CNST: variants seen among roughly 807,000 people sequenced by gnomAD.
CNST encodes the protein consortin.
CNST carries 39 observed loss-of-function variants against 72.4 expected under a neutral mutation model. The observed-to-expected ratio is 0.54, with a 90% CI of 0.42 to 0.70. The LOEUF is 0.70. CNST is among the 30% of genes least tolerant of loss of function. The probability of loss-of-function intolerance (pLI) is 0.00; values close to 1 mark genes in which losing one functional copy is unlikely to be tolerated. For synonymous variants in CNST, 332 were observed against 320.1 expected, an observed-to-expected ratio of 1.04 and a Z score of -0.40; for missense variants, 871 against 868.5, an observed-to-expected ratio of 1.00 and a Z score of -0.04.
chr1:246,633,900 A>G (rs566441676), intron 4 of CNST, 24 bp from the exon 5 acceptor site: 67 of 1,491,878 alleles, frequency 4.5e-5, no homozygotes, highest in Admixed American at 1.7e-4. Flanking sequence ...GTGGATTTCT[A>G]TTTTCCTTAA....
chr1:246,641,763 A>C lies in CNST; in HGVS notation c.833A>C (p.Lys278Thr), dbSNP rs775847056. ...CATHQDPLLS[K>T]HKIAAVEKSQ... ...TTTTCCTACAGTCCTCTTTTATCCA[A>C]ACATAAGGTAAGAGATTGTTTCTTT... The change falls in exon 7 of 11, where the codon AAA becomes ACA. Residue 278 changes from lysine (K) to threonine (T), a missense_variant. Coordinates refer to ENST00000366513, the MANE Select transcript of CNST (RefSeq NM_152609.3). 1.5e-5 allele frequency: 21 copies of C among 1,357,894 alleles called. No homozygotes were observed. The highest frequency in any genetic ancestry group is 2.0e-5 in the Non-Finnish European group (19 of 958,596). The allele number at this position is 1,357,894 out of a possible 1,614,324, so 84.1% of individuals were successfully genotyped here.
chr1:246,594,872 G>A (rs570016247), intron 2 of CNST, among the ~76,000 whole-genome samples: 30 of 152,248 alleles, frequency 2.0e-4, no homozygotes, highest in East Asian at 1.9e-3. Context: ...TGTTGTTGTC[G>A]TCTGTATAAT....
rs544706326 is a variant in CNST at position 246,619,340 on chromosome 1, A to G, written c.380-2089A>G. 4.6e-5 allele frequency among the ~76,000 whole-genome samples: 7 copies of G among 152,318 alleles called. No individual in the cohort carries two copies. The East Asian group carries it at 1.3e-3, about 29-fold the overall frequency. On this transcript the variant is annotated intron_variant, in intron 2 of 10. Coordinates refer to ENST00000366513, the MANE Select transcript of CNST (RefSeq NM_152609.3). ...GCCATCACTGGGCCTTGTACTTCTA[A>G]TGGCCAAAATGTATAGCAACATAAA...
At chr1:246,600,283 TAGA>T (rs1342062817) in intron 2 of CNST, among the ~76,000 whole-genome samples, 2 of 152,206 alleles carry the variant, frequency 1.3e-5, no homozygotes, top group Non-Finnish European at 2.9e-5. Flanking sequence ...GATGGAGGCT[TAGA>T]AGATTAGCAA....
chr1:246,590,287 G>T (rs1243231538), intron 1 of CNST, among the ~76,000 whole-genome samples: 1 of 152,132 alleles, frequency 6.6e-6, no homozygotes, highest in Non-Finnish European at 1.5e-5. Context: ...GTTTCGCAGG[G>T]CTTCCTCATA....
At position 246,660,286 on chromosome 1, in the gene CNST, T is replaced by C. The variant is rs1667020109; in HGVS notation, c.1924T>C (p.Ser642Pro). 6.2e-7 allele frequency: 1 copy of C among 1,614,096 alleles called. No homozygotes were observed. The highest frequency in any genetic ancestry group is 1.1e-5 in the South Asian group (1 of 91,068). The change falls in exon 10 of 11, where the codon TCT becomes CCT. Residue 642 changes from serine to proline, a missense_variant. Transcript: ENST00000366513. Reference protein sequence around the residue: ...DHPAQMQHKPSKRRVRFQEID... With the variant: ...DHPAQMQHKPPKRRVRFQEID... ...TCCTGCCCAAATGCAACACAAACCA[T>C]CTAAGCGAAGAGTGAGATTCCAAGA...
Position 246,660,215 on chromosome 1 carries a change from G to T in CNST, c.1853G>T (p.Gly618Val). ...IEIAEVVPTE[G>V]LVSILKKRND... ...TTCTGACAGGTTGTTCCTACTGAAG[G>T]ATTGGTCTCCATATTAAAGAAGAGG... The change falls in exon 10 of 11, where the codon GGA (glycine) becomes GTA (valine). Residue 618 changes from glycine (G) to valine (V), a missense_variant. Gly to Val is a moderately radical substitution (Grantham distance 109, BLOSUM62 -3). Coordinates refer to ENST00000366513, the MANE Select transcript of CNST (RefSeq NM_152609.3). 1 of 1,610,990 alleles carries T rather than the reference G, an allele frequency of 6.2e-7. No homozygotes were observed.
chr1:246,633,490 C>T (rs897353576), intron 4 of CNST, among the ~76,000 whole-genome samples: 1 of 151,336 alleles, frequency 6.6e-6, no homozygotes, highest in African/African-American at 2.4e-5. Flanking sequence ...TGCCTGTAAT[C>T]CCAGCACTTT....
intron 10 of CNST, 106 bp from the exon 11 acceptor site, chr1:246,665,594 G>T: frequency 1.1e-6 from 1 of 908,806 alleles, no homozygotes; most frequent in Admixed American, 2.1e-5. Flanking sequence ...TATCCGTAGA[G>T]GACCAACAGT....
chr1:246,568,503 C>T (rs1162088589), intron 1 of CNST, among the ~76,000 whole-genome samples: 1 of 152,160 alleles, frequency 6.6e-6, no homozygotes, highest in Non-Finnish European at 1.5e-5. Flanking sequence ...TTTAGACATA[C>T]TTTATTAGAA....
At chr1:246,659,430 TG>T (rs1324092835) in intron 9 of CNST, among the ~76,000 whole-genome samples, 26 of 152,020 alleles carry the variant, frequency 1.7e-4, no homozygotes, top group Admixed American at 1.4e-3. Flanking sequence ...CCGTCTCTAC[TG>T]AAAATACAAA....
At chr1:246,602,927 G>A (rs966336576) in intron 2 of CNST, among the ~76,000 whole-genome samples, 3 of 150,762 alleles carry the variant, frequency 2.0e-5, no homozygotes, top group African/African-American at 4.9e-5. Context: ...CAGTCGTGCT[G>A]TTAAAATGCA....
chr1:246,632,182 T>C (rs1447518795), intron 4 of CNST: 2 of 344,662 alleles, frequency 5.8e-6, no homozygotes, highest in Non-Finnish European at 1.0e-5. Flanking sequence ...AGTATTTGTA[T>C]TTATTTTTTG....
At chr1:246,663,883 A>G (rs1417815527) in intron 10 of CNST, among the ~76,000 whole-genome samples, 2 of 152,236 alleles carry the variant, frequency 1.3e-5, no homozygotes, top group African/African-American at 4.8e-5. Flanking sequence ...TGGGATGGGA[A>G]GGAAATATGA....
At chr1:246,612,146 A>C (rs1663361314) in intron 2 of CNST, among the ~76,000 whole-genome samples, 1 of 152,202 alleles carries the variant, frequency 6.6e-6, no homozygotes, top group African/African-American at 2.4e-5. Flanking sequence ...TCTCTTTGGG[A>C]ATGATGAAAA....
At chr1:246,598,237 GGCCCCCTAAAGT>G (rs2103034695) in intron 2 of CNST, among the ~76,000 whole-genome samples, 1 of 142,396 alleles carries the variant, frequency 7.0e-6, no homozygotes, top group South Asian at 2.2e-4. Context: ...CACCAGCTTT[GGCCCCCTAAAGT>G]GCTAGGATTA....
intron 1 of CNST, among the ~76,000 whole-genome samples, chr1:246,578,455 G>A (rs936650875): frequency 1.3e-5 from 2 of 151,938 alleles, no homozygotes; most frequent in African/African-American, 4.8e-5. Context: ...GGCGGATCAT[G>A]AGGTAGGAGA....
chr1:246,646,700 G>A (rs191966700), intron 8 of CNST, among the ~76,000 whole-genome samples: 4 of 152,170 alleles, frequency 2.6e-5, no homozygotes, highest in Admixed American at 2.0e-4. Flanking sequence ...GGCTGGTTTC[G>A]AATTCCCGAC....
At chr1:246,584,080 A>G (rs1660981912) in intron 1 of CNST, among the ~76,000 whole-genome samples, 1 of 152,122 alleles carries the variant, frequency 6.6e-6, no homozygotes, top group Non-Finnish European at 1.5e-5. Context: ...AGCTAGAACC[A>G]CAGGCACACG....
Sources: gnomAD v4.1 joint callset for allele counts (sites outside exome capture counted in the v4.1 genomes callset) on GRCh38, gnomAD v4.1.1 for gene constraint, MANE v1.5 for transcripts, NCBI Gene and HGNC (gene_info 2026-07-23, HGNC 2026-07-21) for gene names.